TRAPPC9: variants seen among roughly 807,000 people sequenced by gnomAD.
TRAPPC9 encodes IKK2 binding protein.
Under a neutral mutation model 124.0 loss-of-function variants are expected in TRAPPC9, and 83 were observed. The observed-to-expected ratio is 0.67, with a 90% CI of 0.56 to 0.80. The LOEUF (loss-of-function observed/expected upper bound fraction) is 0.80, where lower values mean the gene tolerates loss of function less well. TRAPPC9 is among the 30% of genes least tolerant of loss of function. The pLI, the probability that TRAPPC9 is intolerant of heterozygous loss-of-function variation, is 0.00. For synonymous variants in TRAPPC9, 638 were observed against 617.5 expected (o/e 1.03, Z -0.49); for missense variants, 1,302 against 1,508.3 (o/e 0.86, Z 2.27).
At chr8:139,821,731 C>G (rs1365532273) in intron 21 of TRAPPC9, among the ~76,000 whole-genome samples, 1 of 152,236 alleles carries the variant, frequency 6.6e-6, no homozygotes, top group Non-Finnish European at 1.5e-5. Context: ...TACAAACCAG[C>G]ACCCATGGTG....
chr8:140,158,602 A>T (rs577996940), intron 17 of TRAPPC9, among the ~76,000 whole-genome samples: 1 of 152,242 alleles, frequency 6.6e-6, no homozygotes, highest in Non-Finnish European at 1.5e-5. Flanking sequence ...TAAGAACTAC[A>T]TATATGTTTA....
intron 19 of TRAPPC9, among the ~76,000 whole-genome samples, chr8:139,938,756 C>T (rs1833705874): frequency 6.6e-6 from 1 of 151,546 alleles, no homozygotes; most frequent in Non-Finnish European, 1.5e-5. Context: ...CGCCATTCTC[C>T]TGCCTCAGCC....
intron 9 of TRAPPC9, among the ~76,000 whole-genome samples, chr8:140,352,361 C>T (rs904812111): frequency 6.6e-6 from 1 of 152,192 alleles, no homozygotes; most frequent in Non-Finnish European, 1.5e-5. Flanking sequence ...GAGAGAGGCA[C>T]TGCATAGCGA....
At chr8:140,039,535 T>C (rs1039347631) in intron 17 of TRAPPC9, among the ~76,000 whole-genome samples, 7 of 152,248 alleles carry the variant, frequency 4.6e-5, no homozygotes, top group South Asian at 4.1e-4. Flanking sequence ...AACAAATAAA[T>C]AGTTTAAATG....
intron 4 of TRAPPC9, among the ~76,000 whole-genome samples, chr8:140,426,890 G>A (rs763027073): frequency 2.0e-4 from 31 of 151,296 alleles, no homozygotes; most frequent in Non-Finnish European, 3.4e-4. Context: ...TCACCTCTCT[G>A]CCTTCCCACT....
At chr8:140,408,546 G>C (rs2069580551) in intron 5 of TRAPPC9, among the ~76,000 whole-genome samples, 1 of 152,180 alleles carries the variant, frequency 6.6e-6, no homozygotes, top group African/African-American at 2.4e-5. Context: ...CCAAGAACCA[G>C]TGTGGCAATA....
chr8:140,389,076 G>A (rs1482936295), intron 7 of TRAPPC9, among the ~76,000 whole-genome samples: 1 of 148,980 alleles, frequency 6.7e-6, no homozygotes, highest in Admixed American at 6.8e-5. Context: ...TCCTGCCTCA[G>A]CCTCCCAAGT....
intron 5 of TRAPPC9, among the ~76,000 whole-genome samples, chr8:140,419,913 T>G (rs1564011997): frequency 6.6e-6 from 1 of 151,834 alleles, no homozygotes; most frequent in South Asian, 2.1e-4. Context: ...GATGAAAAAC[T>G]CTGTCTCTTT....
chr8:140,455,659 G>A (rs956691565), intron 1 of TRAPPC9, among the ~76,000 whole-genome samples: 1 of 150,016 alleles, frequency 6.7e-6, no homozygotes, highest in Non-Finnish European at 1.5e-5. Flanking sequence ...TCGATCTCTT[G>A]ACCTCGTGAT....
chr8:140,164,904 G>A (rs1325507542), intron 17 of TRAPPC9, among the ~76,000 whole-genome samples: 1 of 152,168 alleles, frequency 6.6e-6, no homozygotes. Context: ...ACCCCCACCA[G>A]CAGCAGCCCC....
At chr8:139,921,653 C>A (rs1832509839) in intron 19 of TRAPPC9, among the ~76,000 whole-genome samples, 1 of 149,958 alleles carries the variant, frequency 6.7e-6, no homozygotes, top group African/African-American at 2.5e-5. Flanking sequence ...ATAGAGGGAG[C>A]ATTACTTGCA....
intron 21 of TRAPPC9, among the ~76,000 whole-genome samples, chr8:139,882,741 A>AC (rs1829755313): frequency 6.6e-6 from 1 of 152,196 alleles, no homozygotes; most frequent in Non-Finnish European, 1.5e-5. Context: ...CACATAATAG[A>AC]CATCATCTCA....
chr8:140,058,584 CACAG>C (rs1246208524), intron 17 of TRAPPC9, among the ~76,000 whole-genome samples: 1 of 152,192 alleles, frequency 6.6e-6, no homozygotes, highest in African/African-American at 2.4e-5. Context: ...CAAGGAACCT[CACAG>C]ACAAAGACAA....
intron 21 of TRAPPC9, among the ~76,000 whole-genome samples, chr8:139,739,291 C>T (rs1443359949): frequency 6.6e-6 from 1 of 152,222 alleles, no homozygotes; most frequent in Non-Finnish European, 1.5e-5. Flanking sequence ...GCTCAGCCTC[C>T]ACCCGCCCCG....
intron 19 of TRAPPC9, among the ~76,000 whole-genome samples, chr8:139,914,469 G>A (rs1831976030): frequency 3.3e-5 from 5 of 152,254 alleles, no homozygotes; most frequent in Admixed American, 3.3e-4. Flanking sequence ...AGGCACCGGG[G>A]CAGCAGCGCA....
At chr8:140,018,196 T>G (rs1167570454) in intron 18 of TRAPPC9, among the ~76,000 whole-genome samples, 1 of 152,154 alleles carries the variant, frequency 6.6e-6, no homozygotes, top group Non-Finnish European at 1.5e-5. Flanking sequence ...GTTTTGTCAT[T>G]TTCTAGGTAG....
intron 20 of TRAPPC9, among the ~76,000 whole-genome samples, chr8:139,904,267 A>G (rs1453187959): frequency 6.6e-6 from 1 of 152,206 alleles, no homozygotes; most frequent in Admixed American, 6.5e-5. Flanking sequence ...TTTCTGTACT[A>G]ATTAAAGACT....
intron 19 of TRAPPC9, among the ~76,000 whole-genome samples, chr8:139,969,321 G>A (rs773175140): frequency 3.3e-5 from 5 of 152,164 alleles, no homozygotes; most frequent in African/African-American, 4.8e-5. Context: ...TTTCCCTCTC[G>A]CTAGACTGGG....
At chr8:139,771,108 G>A (rs61003121) in intron 21 of TRAPPC9, among the ~76,000 whole-genome samples, 5,659 of 152,158 alleles carry the variant, frequency 0.037, 378 homozygotes, top group African/African-American at 0.13. Context: ...GAGCTGAAAG[G>A]GGGAGCTCAG....
Sources: allele counts gnomAD v4.1 joint callset (sites outside exome capture counted in the v4.1 genomes callset), GRCh38; gene constraint gnomAD v4.1.1; transcripts MANE v1.5; gene names NCBI Gene and HGNC (gene_info 2026-07-23, HGNC 2026-07-21).